The following APP variants were observed in gnomAD, a reference collection of about 807,000 sequenced individuals.
The protein encoded by APP is amyloid-beta precursor protein.
A neutral mutation model predicts 101.4 loss-of-function variants in APP; 31 were observed. That is an observed-to-expected ratio of 0.31 (90% CI 0.23 to 0.41). The LOEUF is 0.41. APP is among the 10% of genes least tolerant of loss of function. APP has a pLI of 1.00. For synonymous variants in APP, 366 were observed against 364.4 expected (o/e 1.00, Z -0.05); for missense variants, 839 against 1,003.7 (o/e 0.84, Z 2.22).
chr21:26,022,102 A>C (rs1427208602), intron 5 of APP, 60 bp from the exon 6 acceptor site: 2 of 1,585,874 alleles, frequency 1.3e-6, no homozygotes, highest in East Asian at 4.5e-5. Flanking sequence ...GGGAAGGAAA[A>C]GAAAAGTCGT....
In APP at chr21:26,170,074, C is replaced by A. The variant is rs149440224; in HGVS notation, c.57+490G>T. ...GGAGAACGCAGGGAAAAGCGAGGGG[C>A]TCCTAGCTTCCTGGGCTGTCCCGAC... On this transcript the variant is annotated intron_variant, in intron 1 of 17. Transcript: ENST00000346798. 1.6e-3 allele frequency among the ~76,000 whole-genome samples: 240 copies of A among 152,308 alleles called. 1 individual carries two copies. The highest frequency in any genetic ancestry group is 2.7e-3 in the Non-Finnish European group (185 of 68,020).
intron 17 of APP, among the ~76,000 whole-genome samples, chr21:25,889,202 G>A (rs920543174): frequency 6.6e-6 from 1 of 152,188 alleles, no homozygotes; most frequent in Non-Finnish European, 1.5e-5. Flanking sequence ...GGTTATTAAA[G>A]TTAAACAAGG....
intron 2 of APP, among the ~76,000 whole-genome samples, chr21:26,094,387 G>A (rs998283667): frequency 1.3e-5 from 2 of 151,934 alleles, no homozygotes; most frequent in South Asian, 2.1e-4. Flanking sequence ...CACATGCACA[G>A]CCAACTCCCA....
chr21:26,054,016 AAGGT>A (rs2045939710), intron 3 of APP, among the ~76,000 whole-genome samples: 1 of 152,254 alleles, frequency 6.6e-6, no homozygotes, highest in African/African-American at 2.4e-5. Context: ...CAGTCTAATG[AAGGT>A]AAAAGATGGA....
At chr21:25,995,677 T>A (rs1267083951) in intron 8 of APP, among the ~76,000 whole-genome samples, 1 of 152,232 alleles carries the variant, frequency 6.6e-6, no homozygotes, top group Non-Finnish European at 1.5e-5. Context: ...TAGAGCTTTT[T>A]CCTAGTCTGT....
intron 2 of APP, among the ~76,000 whole-genome samples, chr21:26,108,107 T>A (rs2062225392): frequency 6.6e-6 from 1 of 151,928 alleles, no homozygotes; most frequent in African/African-American, 2.4e-5. Flanking sequence ...CAGCTCAGAG[T>A]CACTGGTGGC....
intron 5 of APP, among the ~76,000 whole-genome samples, chr21:26,043,870 A>AT (rs1555855204): frequency 6.6e-6 from 1 of 152,160 alleles, no homozygotes; most frequent in Non-Finnish European, 1.5e-5. Context: ...AGAAAAAGAA[A>AT]TTTAATCGAC....
At chr21:26,144,142 C>G (rs1227927568) in intron 1 of APP, among the ~76,000 whole-genome samples, 1 of 152,058 alleles carries the variant, frequency 6.6e-6, no homozygotes, top group East Asian at 1.9e-4. Context: ...GATCAGTTCT[C>G]GTGAGAACTA....
chr21:25,978,145 A>C (rs1268250587), intron 9 of APP, among the ~76,000 whole-genome samples: 2 of 152,244 alleles, frequency 1.3e-5, no homozygotes, highest in East Asian at 3.8e-4. Flanking sequence ...TTAGCTAATG[A>C]GTTGCAAATA....
intron 17 of APP, among the ~76,000 whole-genome samples, chr21:25,882,187 T>C (rs1476867177): frequency 6.6e-6 from 1 of 151,722 alleles, no homozygotes; most frequent in Non-Finnish European, 1.5e-5. Context: ...TGGAGGGAGA[T>C]TCAGCAAAGT....
intron 13 of APP, among the ~76,000 whole-genome samples, chr21:25,940,496 C>T (rs1373972452): frequency 6.6e-6 from 1 of 152,062 alleles, no homozygotes; most frequent in Non-Finnish European, 1.5e-5. Context: ...TACCAATTGG[C>T]CATAATTTTT....
Position 26,058,132 on chromosome 21 carries a change from G to A in APP, c.356-4784C>T, listed in dbSNP as rs2046115891. ...CTTTCTGTACTGCCATCCTGAGCACGTTGGTTTTATCCTCGTGTTTTATGG... is the reference window on the plus strand; with the variant it reads ...CTTTCTGTACTGCCATCCTGAGCACATTGGTTTTATCCTCGTGTTTTATGG... On this transcript the variant is annotated intron_variant, in intron 3 of 17. Transcript: ENST00000346798. Among the ~76,000 whole-genome samples, 3 of 152,180 alleles carry A rather than the reference G, an allele frequency of 2.0e-5. 1 individual carries two copies. Among genetic ancestry groups the A allele is most frequent in the Admixed American group, 2.0e-4 (3 of 15,282 alleles).
rs1054325508 is a variant in APP, at chr21:26,086,097, C to T, written c.355+3846G>A. Among the ~76,000 whole-genome samples the T allele has an allele frequency of 2.0e-4, 31 of 152,296 alleles. 1 individual carries two copies. Among genetic ancestry groups the T allele is most frequent in the African/African-American group, 7.5e-4 (31 of 41,550 alleles). ...GCCAATTTCAACAGTGGATCTATTA[C>T]ACCATGAAGAGCAGTCATTCAAATG... is the stretch of plus-strand genomic sequence containing the variant. On this transcript the variant is annotated intron_variant, in intron 3 of 17. Coordinates refer to ENST00000346798, the MANE Select transcript of APP (RefSeq NM_000484.4).
intron 1 of APP, among the ~76,000 whole-genome samples, chr21:26,154,979 C>T (rs746326315): frequency 6.6e-6 from 1 of 152,166 alleles, no homozygotes; most frequent in Non-Finnish European, 1.5e-5. Flanking sequence ...TAATCAGGTG[C>T]GGTGGCTCAC....
chr21:26,115,587 C>A (rs889599067), intron 1 of APP, among the ~76,000 whole-genome samples: 6 of 152,186 alleles, frequency 3.9e-5, no homozygotes, highest in Non-Finnish European at 7.4e-5. Context: ...GGAAATGTGG[C>A]CACATTAAAC....
chr21:26,111,663 G>C (rs2062327519), intron 2 of APP, among the ~76,000 whole-genome samples: 1 of 152,054 alleles, frequency 6.6e-6, no homozygotes, highest in African/African-American at 2.4e-5. Context: ...CTTGAGCCCA[G>C]TAGGTCAAGG....
At chr21:26,010,134 T>C (rs894958430) in intron 6 of APP, among the ~76,000 whole-genome samples, 2 of 151,628 alleles carry the variant, frequency 1.3e-5, no homozygotes, top group African/African-American at 4.9e-5. Flanking sequence ...AACAGCAGTG[T>C]CTCTGGTTAC....
At chr21:26,097,192 A>ACC (rs1269062271) in intron 2 of APP, among the ~76,000 whole-genome samples, 14 of 152,136 alleles carry the variant, frequency 9.2e-5, no homozygotes, top group African/African-American at 3.4e-4. Flanking sequence ...ATTCTGTCCT[A>ACC]CCACTGCATC....
chr21:26,023,494 T>C (rs1376602275), intron 5 of APP, among the ~76,000 whole-genome samples: 1 of 150,274 alleles, frequency 6.7e-6, no homozygotes, highest in Non-Finnish European at 1.5e-5. Context: ...GAGCTATGAC[T>C]GCATCACTGC....
Sources: gnomAD v4.1 joint callset for allele counts (sites outside exome capture counted in the v4.1 genomes callset) on GRCh38, gnomAD v4.1.1 for gene constraint, MANE v1.5 for transcripts, NCBI Gene and HGNC (gene_info 2026-07-23, HGNC 2026-07-21) for gene names.